Variants in ADGRA1 observed in about 807,000 individuals in gnomAD.
ADGRA1 encodes adhesion G protein-coupled receptor A1, also known as G-protein coupled receptor 123.
Under a neutral mutation model 21.3 loss-of-function variants are expected in ADGRA1, and 12 were observed. That is an observed-to-expected ratio of 0.56 (90% CI 0.36 to 0.91). The LOEUF is 0.91. ADGRA1 is among the 40% of genes least tolerant of loss of function. The pLI, the probability that ADGRA1 is intolerant of heterozygous loss-of-function variation, is 0.01. For missense variants in ADGRA1, 790 were observed against 805.6 expected, an observed-to-expected ratio of 0.98 and a Z score of 0.23; for synonymous variants, 385 against 368.8, an observed-to-expected ratio of 1.04 and a Z score of -0.50.
At chr10:133,093,332 G>A in intron 2 of ADGRA1, 8 of 1,503,656 alleles carry the variant, frequency 5.3e-6, no homozygotes, top group Admixed American at 2.0e-5. Context: ...CTTTGTTTTT[G>A]TCTTTAACAC....
At chr10:133,088,202 G>A (rs1198981733) in intron 1 of ADGRA1, 64 bp downstream of exon 1, 1 of 793,906 alleles carries the variant, frequency 1.3e-6, no homozygotes, top group Non-Finnish European at 1.5e-6. Flanking sequence ...CGGCAGAAAA[G>A]CTCGCGCCCC....
At chr10:133,094,374 C>T (rs779062658) in intron 2 of ADGRA1, among the ~76,000 whole-genome samples, 6 of 152,222 alleles carry the variant, frequency 3.9e-5, no homozygotes, top group East Asian at 1.9e-4. Context: ...CGGGACAGGA[C>T]GCGGCTCGCA....
chr10:133,113,371 C>T (rs1852099500), intron 5 of ADGRA1, among the ~76,000 whole-genome samples: 1 of 152,256 alleles, frequency 6.6e-6, no homozygotes, highest in African/African-American at 2.4e-5. Context: ...CTTCACCTGC[C>T]TCGCAGCCTC....
At chr10:133,121,963 GCA>G (rs1852276778) in intron 5 of ADGRA1, among the ~76,000 whole-genome samples, 3 of 144,806 alleles carry the variant, frequency 2.1e-5, no homozygotes, top group African/African-American at 7.7e-5. Context: ...GTGTGAGTGT[GCA>G]TGCCTGTGTG....
Position 133,129,284 on chromosome 10 carries a change from G to T in ADGRA1, c.1456G>T (p.Gly486Cys). ...CTTCCCCATGGTCACCCAGCCCGAG[G>T]GCAGTGATGGGAGCCCTGCCCTCTA... ...DPFPMVTQPE[G>C]SDGSPALYSC... Residue 486 changes from glycine to cysteine, a missense_variant, in exon 7 of 7, where the codon GGC (glycine) becomes TGC (cysteine). Physicochemically the swap from Gly to Cys is radical, Grantham distance 159. Coordinates refer to ENST00000392607, the MANE Select transcript of ADGRA1 (RefSeq NM_001083909.3). 1.3e-6 allele frequency: 2 copies of T among 1,551,120 alleles called. No individual in the cohort carries two copies. Among genetic ancestry groups the T allele is most frequent in the Non-Finnish European group, 1.7e-6 (2 of 1,147,934 alleles).
chr10:133,130,759 A>ACACACAAACACGTGCATATCACACACATG lies in ADGRA1; in HGVS notation c.*1258_*1286dup, dbSNP rs1489776087. Reference sequence around the variant, plus strand: ...ACACGTGCATATCACACACATGCACACACACAAACACGTGCATATCACACA... The same window carrying ACACACAAACACGTGCATATCACACACATG: ...ACACGTGCATATCACACACATGCACACACACAAACACGTGCATATCACACACATGCACACAAACACGTGCATATCACACA... On this transcript the variant is annotated 3_prime_UTR_variant, in exon 7 of 7. Coordinates refer to ENST00000392607, the MANE Select transcript of ADGRA1 (RefSeq NM_001083909.3). The ACACACAAACACGTGCATATCACACACATG allele has an allele frequency of 6.6e-6, 1 of 152,110 alleles. No homozygotes were observed. The highest frequency in any genetic ancestry group is 1.5e-5 in the Non-Finnish European group (1 of 68,056). 9.4% of individuals were successfully genotyped at this position (152,110 alleles called of 1,614,324 possible). A position where few individuals can be genotyped will look rare whatever the true frequency, so the allele number is the denominator to read the frequency against.
intron 2 of ADGRA1, among the ~76,000 whole-genome samples, chr10:133,096,386 C>T (rs1851689177): frequency 6.6e-6 from 1 of 152,260 alleles, no homozygotes; most frequent in Non-Finnish European, 1.5e-5. Context: ...TGAACTCTGA[C>T]CCTGAACCCT....
intron 2 of ADGRA1, chr10:133,092,940 G>A (rs1324116078): frequency 2.6e-6 from 4 of 1,566,634 alleles, no homozygotes; most frequent in Non-Finnish European, 8.6e-7. Flanking sequence ...GGGAGGATAT[G>A]TGTTCCTTCC....
At chr10:133,125,056 T>G (rs139250373) in intron 5 of ADGRA1, among the ~76,000 whole-genome samples, 2 of 152,388 alleles carry the variant, frequency 1.3e-5, no homozygotes, top group Non-Finnish European at 2.9e-5. Context: ...CCCTGTCTTA[T>G]CGTCTACTTT....
At chr10:133,093,342 C>T in intron 2 of ADGRA1, 1 of 1,469,032 alleles carries the variant, frequency 6.8e-7, no homozygotes. Context: ...GTCTTTAACA[C>T]CCTGACCCAC....
intron 5 of ADGRA1, 56 bp downstream of exon 5, chr10:133,102,898 C>T: frequency 6.4e-7 from 1 of 1,558,936 alleles, no homozygotes; most frequent in Non-Finnish European, 8.7e-7. Context: ...ACGCTGCATG[C>T]ACCTTCTGGG....
intron 5 of ADGRA1, among the ~76,000 whole-genome samples, chr10:133,111,265 A>C (rs1851996296): frequency 2.6e-5 from 2 of 76,844 alleles, no homozygotes; most frequent in Admixed American, 1.2e-4. Flanking sequence ...CACCACAGGC[A>C]CCTCCCTCCT....
chr10:133,113,931 T>C (rs1852109080), intron 5 of ADGRA1, among the ~76,000 whole-genome samples: 1 of 152,196 alleles, frequency 6.6e-6, no homozygotes, highest in Non-Finnish European at 1.5e-5. Flanking sequence ...GCTTTACAGA[T>C]GGGGAAACCA....
At position 133,112,978 on chromosome 10, in the gene ADGRA1, G is replaced by A. The variant is rs543161625; in HGVS notation, c.401+10136G>A. Among the ~76,000 whole-genome samples, 6 of 148,700 alleles carry A rather than the reference G, an allele frequency of 4.0e-5. 1 individual carries two copies. The highest frequency in any genetic ancestry group is 4.3e-4 in the South Asian group (2 of 4,644). Reference sequence around the variant, plus strand: ...CGGTTATTTGGGGTCTGCGGGCCGCGTCAGTTATTTGGGGTCTATAAGCTG... The same window carrying A: ...CGGTTATTTGGGGTCTGCGGGCCGCATCAGTTATTTGGGGTCTATAAGCTG... On this transcript the variant is annotated intron_variant, in intron 5 of 6. Coordinates refer to ENST00000392607, the MANE Select transcript of ADGRA1 (RefSeq NM_001083909.3).
rs1248786715 is a variant in ADGRA1, at chr10:133,128,996, G to A, written c.1168G>A (p.Glu390Lys). 6.4e-7 allele frequency: 1 copy of A among 1,570,432 alleles called. No homozygotes were observed. The highest frequency in any genetic ancestry group is 8.6e-7 in the Non-Finnish European group (1 of 1,158,330). ...ATPCCAKMHC[E>K]PLTADEAHVH... Reference sequence around the variant, plus strand: ...CCCGTGCTGCGCCAAGATGCACTGCGAGCCACTGACGGCGGACGAGGCGCA... The same window carrying A: ...CCCGTGCTGCGCCAAGATGCACTGCAAGCCACTGACGGCGGACGAGGCGCA... The change falls in exon 7 of 7, where the codon GAG (glutamate) becomes AAG (lysine). Residue 390 changes from glutamate to lysine, a missense_variant. Coordinates refer to ENST00000392607, the MANE Select transcript of ADGRA1 (RefSeq NM_001083909.3).
At chr10:133,112,019 A>T (rs9419108) in intron 5 of ADGRA1, among the ~76,000 whole-genome samples, 1 of 27,936 alleles carries the variant, frequency 3.6e-5, no homozygotes, top group Non-Finnish European at 7.1e-5. Flanking sequence ...CCCACCACAG[A>T]CACCTCCCTC....
At chr10:133,115,778 G>A (rs907906428) in intron 5 of ADGRA1, among the ~76,000 whole-genome samples, 2 of 152,140 alleles carry the variant, frequency 1.3e-5, no homozygotes, top group Non-Finnish European at 2.9e-5. Flanking sequence ...GTCCTCAAGA[G>A]GGCCACGTTC....
rs528758164 is a variant in ADGRA1, at chr10:133,096,494, G to A, written c.4-480G>A. Among the ~76,000 whole-genome samples the A allele has an allele frequency of 7.2e-5, 11 of 152,356 alleles. No individual in the cohort carries two copies. In the South Asian group the frequency reaches 1.4e-3, roughly 20 times the overall value. On this transcript the variant is annotated intron_variant, in intron 2 of 6. Transcript: ENST00000392607. ...CTTTCTCCACCTCTCGCAGAAGCTC[G>A]TACAGAATCCTCCCGGAAGATGTTG...
intron 5 of ADGRA1, among the ~76,000 whole-genome samples, chr10:133,104,383 G>A (rs1851855571): frequency 1.3e-5 from 2 of 152,204 alleles, no homozygotes; most frequent in Non-Finnish European, 2.9e-5. Flanking sequence ...AGAGCTGCCT[G>A]GTTTTGAAGA....
Sources: allele counts gnomAD v4.1 joint callset (sites outside exome capture counted in the v4.1 genomes callset), GRCh38; gene constraint gnomAD v4.1.1; transcripts MANE v1.5; gene names NCBI Gene and HGNC (gene_info 2026-07-23, HGNC 2026-07-21).